Variants in PTPRT observed in about 807,000 individuals in gnomAD.
PTPRT encodes protein tyrosine phosphatase receptor type T.
PTPRT carries 56 observed loss-of-function variants against 176.8 expected under a neutral mutation model. The observed-to-expected ratio is 0.32, with a 90% CI of 0.26 to 0.40. The LOEUF is 0.40. Ranked by LOEUF, PTPRT falls within the 10% of genes least tolerant of loss-of-function variation. The probability of loss-of-function intolerance (pLI) is 1.00; values close to 1 mark genes in which losing one functional copy is unlikely to be tolerated. For synonymous variants in PTPRT, 783 were observed against 739.0 expected (o/e 1.06, Z -0.96); for missense variants, 1,540 against 1,908.2 (o/e 0.81, Z 3.60).
chr20:42,631,421 T>A (rs2074402762), intron 7 of PTPRT, among the ~76,000 whole-genome samples: 1 of 152,210 alleles, frequency 6.6e-6, no homozygotes. Context: ...CTTCACATAT[T>A]GCCACATGTT....
chr20:42,140,528 G>A (rs921642432), intron 18 of PTPRT, among the ~76,000 whole-genome samples: 1 of 152,108 alleles, frequency 6.6e-6, no homozygotes, highest in Non-Finnish European at 1.5e-5. Context: ...TCACCCCCCA[G>A]AACTGAATAC....
intron 7 of PTPRT, among the ~76,000 whole-genome samples, chr20:42,607,804 T>C (rs527753301): frequency 6.6e-5 from 10 of 152,176 alleles, no homozygotes; most frequent in Middle Eastern, 6.8e-3. Context: ...CTGTGGGCGC[T>C]TGCTTTTGCT....
chr20:42,919,894 G>A (rs1039488619), intron 1 of PTPRT, among the ~76,000 whole-genome samples: 4 of 152,188 alleles, frequency 2.6e-5, no homozygotes, highest in Admixed American at 2.6e-4. Flanking sequence ...TGCCATAAGA[G>A]ATTTCCTAAG....
the PTPRT span, among the ~76,000 whole-genome samples, chr20:42,053,781 G>A: frequency 3.9e-5 from 6 of 152,108 alleles, no homozygotes; most frequent in African/African-American, 7.2e-5. Flanking sequence ...TTGCATATTC[G>A]GTTAGCATTT....
intron 12 of PTPRT, among the ~76,000 whole-genome samples, chr20:42,311,810 T>C (rs2057635373): frequency 6.6e-6 from 1 of 152,188 alleles, no homozygotes; most frequent in Non-Finnish European, 1.5e-5. Context: ...TTGACTGTTG[T>C]TTCTCAGCTT....
Position 42,256,564 on chromosome 20 carries a change from T to C in PTPRT, c.2177-7742A>G, listed in dbSNP as rs566567552. ...GTGATGTTGATACAGGAAAAAAAAA[T>C]AGACTAGATGATTAAATCAGGTTCC... On this transcript the variant is annotated intron_variant, in intron 13 of 30. Coordinates refer to ENST00000373187, the MANE Select transcript of PTPRT (RefSeq NM_007050.6). 2.6e-4 allele frequency among the ~76,000 whole-genome samples: 39 copies of C among 147,332 alleles called. 1 individual carries two copies. The South Asian group carries it at 7.7e-3, about 29-fold the overall frequency.
Position 42,076,033 on chromosome 20 carries a change from T to C in PTPRT, c.*4846A>G, listed in dbSNP as rs41278138. The C allele has an allele frequency of 4.9e-3, 1,085 of 223,486 alleles. 9 individuals carry two copies. The highest frequency in any genetic ancestry group is 8.1e-3 in the Non-Finnish European group (911 of 111,838). 13.8% of individuals were successfully genotyped at this position (223,486 alleles called of 1,614,324 possible). A position where few individuals can be genotyped will look rare whatever the true frequency, so the allele number is the denominator to read the frequency against. Reference sequence around the variant, plus strand: ...GTTCCTGTTTTCCTGCCTAAAGTGCTCCAAATCTACCCCTTCTAATGTTGA... The same window carrying C: ...GTTCCTGTTTTCCTGCCTAAAGTGCCCCAAATCTACCCCTTCTAATGTTGA... On this transcript the variant is annotated 3_prime_UTR_variant, in exon 31 of 31. Transcript: ENST00000373187.
chr20:42,892,502 G>A (rs925915195), intron 1 of PTPRT, among the ~76,000 whole-genome samples: 14 of 150,206 alleles, frequency 9.3e-5, no homozygotes, highest in South Asian at 2.1e-4. Context: ...AAAAAAAAAA[G>A]AAAACTGGGC....
chr20:42,542,516 T>G (rs1407605268), intron 7 of PTPRT, among the ~76,000 whole-genome samples: 2 of 152,170 alleles, frequency 1.3e-5, no homozygotes, highest in Non-Finnish European at 2.9e-5. Flanking sequence ...TAAAAATGTA[T>G]ACTTTGTTGT....
At chr20:43,128,926 T>C in intron 1 of PTPRT, among the ~76,000 whole-genome samples, 1 of 152,216 alleles carries the variant, frequency 6.6e-6, no homozygotes, top group South Asian at 2.1e-4. Context: ...TAAAGTTATA[T>C]TTATTCGTAC....
intron 29 of PTPRT, among the ~76,000 whole-genome samples, chr20:42,083,136 A>AAAAAAAG (rs146913637): frequency 0.046 from 5,952 of 128,810 alleles, 372 homozygotes; most frequent in East Asian, 0.2. Flanking sequence ...AAAAAAAAAA[A>AAAAAAAG]GCAGGCTAAA....
intron 15 of PTPRT, among the ~76,000 whole-genome samples, chr20:42,202,646 A>G (rs979929367): frequency 5.3e-5 from 8 of 152,258 alleles, no homozygotes; most frequent in African/African-American, 1.9e-4. Flanking sequence ...AAATTTGAAA[A>G]GAAATATAGC....
chr20:42,645,556 C>G (rs2074872889), intron 7 of PTPRT, among the ~76,000 whole-genome samples: 1 of 151,956 alleles, frequency 6.6e-6, no homozygotes. Flanking sequence ...TTGAGGGAAC[C>G]CAACATAACA....
At chr20:42,345,575 C>CAT (rs72419296) in intron 11 of PTPRT, among the ~76,000 whole-genome samples, 1 of 109,044 alleles carries the variant, frequency 9.2e-6, no homozygotes, top group Non-Finnish European at 1.9e-5. Flanking sequence ...TATATACATA[C>CAT]ATATATATGT....
intron 13 of PTPRT, among the ~76,000 whole-genome samples, chr20:42,277,299 T>C (rs564850405): frequency 2.0e-5 from 3 of 152,320 alleles, no homozygotes; most frequent in Admixed American, 2.0e-4. Context: ...GGGTTTATTT[T>C]GTCTCAATGA....
chr20:42,095,512 C>T (rs1201167952), intron 27 of PTPRT, among the ~76,000 whole-genome samples: 5 of 152,202 alleles, frequency 3.3e-5, no homozygotes, highest in African/African-American at 1.2e-4. Context: ...ACTCTCTCAC[C>T]TCCTTCACGT....
At chr20:42,406,068 G>A (rs144719754) in intron 9 of PTPRT, among the ~76,000 whole-genome samples, 2,116 of 152,104 alleles carry the variant, frequency 0.014, 28 homozygotes, top group Middle Eastern at 0.044. Context: ...GCCAAAACAC[G>A]TGGAGGCAGC....
Position 42,251,424 on chromosome 20 carries a change from C to G in PTPRT, c.2177-2602G>C, listed in dbSNP as rs370775503. Among the ~76,000 whole-genome samples, 16 of 152,034 alleles carry G rather than the reference C, an allele frequency of 1.1e-4. 1 individual carries two copies. The highest frequency in any genetic ancestry group is 9.2e-4 in the Admixed American group (14 of 15,262). Reference sequence around the variant, plus strand: ...GCAAAACAGGAACAGTTCCTGCTCTCAAAGAGTCTACAATTAGTGGTGGTT... The same window carrying G: ...GCAAAACAGGAACAGTTCCTGCTCTGAAAGAGTCTACAATTAGTGGTGGTT... On this transcript the variant is annotated intron_variant, in intron 13 of 30. Transcript: ENST00000373187.
intron 1 of PTPRT, among the ~76,000 whole-genome samples, chr20:42,982,264 GGAGA>G (rs147184710): frequency 1.3e-5 from 2 of 151,986 alleles, no homozygotes; most frequent in African/African-American, 4.8e-5. Flanking sequence ...GCTGGGTGGT[GGAGA>G]GAGAGAGAGC....
Sources: gnomAD v4.1 joint callset for allele counts (sites outside exome capture counted in the v4.1 genomes callset) on GRCh38, gnomAD v4.1.1 for gene constraint, MANE v1.5 for transcripts, NCBI Gene and HGNC (gene_info 2026-07-23, HGNC 2026-07-21) for gene names.